The following PLB1 variants were observed in gnomAD, a reference collection of about 807,000 sequenced individuals.
PLB1 encodes phospholipase B1, membrane-associated.
PLB1 carries 242 observed loss-of-function variants against 227.4 expected under a neutral mutation model. The observed-to-expected ratio is 1.06, with a 90% CI of 0.96 to 1.18. PLB1 has a LOEUF of 1.18. Ranked by LOEUF, PLB1 falls within the 50% of genes most tolerant of loss-of-function variation. The probability of loss-of-function intolerance (pLI) is 0.00; values close to 1 mark genes in which losing one functional copy is unlikely to be tolerated. For missense variants in PLB1, 1,858 were observed against 1,816.3 expected (o/e 1.02, Z -0.42); for synonymous variants, 757 against 682.2 (o/e 1.11, Z -1.71).
At chr2:28,537,887 C>A (rs578173751) in intron 9 of PLB1, among the ~76,000 whole-genome samples, 4 of 152,146 alleles carry the variant, frequency 2.6e-5, no homozygotes, top group Admixed American at 6.5e-5. Context: ...ATGAAGGTTC[C>A]GAGGCCCATC....
At chr2:28,519,638 G>A (rs371518304) in intron 3 of PLB1, 67 bp from the exon 4 acceptor site, 90 of 1,219,584 alleles carry the variant, frequency 7.4e-5, no homozygotes, top group South Asian at 5.8e-4. Flanking sequence ...TCTCCCATAC[G>A]GTATCCTTGG....
intron 26 of PLB1, among the ~76,000 whole-genome samples, chr2:28,588,443 A>C (rs1183497141): frequency 6.6e-6 from 1 of 152,128 alleles, no homozygotes; most frequent in East Asian, 1.9e-4. Flanking sequence ...CTGGCTTGGG[A>C]GGTCAGACAT....
chr2:28,593,755 G>A lies in PLB1; in HGVS notation c.2321+1G>A. 1.2e-6 allele frequency: 2 copies of A among 1,613,392 alleles called. No individual in the cohort carries two copies. Among genetic ancestry groups the A allele is most frequent in the Non-Finnish European group, 1.7e-6 (2 of 1,179,476 alleles). ...CACAGTATCGGGGACTGTCATACAG[G>A]TAATGTTAACCTTTGACCTCTCCCA... On this transcript the variant is annotated splice_donor_variant, in intron 33 of 57. Coordinates refer to ENST00000327757, the MANE Select transcript of PLB1 (RefSeq NM_153021.5). LOFTEE classifies it high-confidence loss of function.
rs559287924 is a variant in PLB1, at chr2:28,626,391, CA to C, written c.3580-36del. The C allele has an allele frequency of 4.9e-5, 77 of 1,580,946 alleles. No homozygotes were observed. The East Asian group carries it at 1.2e-3, about 24-fold the overall frequency. On this transcript the variant is annotated intron_variant, in intron 50 of 57. Coordinates refer to ENST00000327757, the MANE Select transcript of PLB1 (RefSeq NM_153021.5). ...AGTAGCAACATTTGTATGTGCCTCC[CA>C]CCAAGGCCTAAACTCAGGATCTTCT... is the stretch of plus-strand genomic sequence containing the variant.
chr2:28,552,529 G>A (rs1476511724), intron 16 of PLB1, among the ~76,000 whole-genome samples: 2 of 152,192 alleles, frequency 1.3e-5, no homozygotes, highest in African/African-American at 4.8e-5. Flanking sequence ...CAAACAACAT[G>A]GATAAAAATC....
At chr2:28,540,339 TCA>T (rs762990480) in intron 11 of PLB1, 25 bp from the exon 12 acceptor site, 1 of 1,605,874 alleles carries the variant, frequency 6.2e-7, no homozygotes, top group Admixed American at 1.7e-5. Context: ...CTCCCCTCTC[TCA>T]TTCCTGGTGT....
At chr2:28,599,905 C>T (rs995315048) in intron 35 of PLB1, among the ~76,000 whole-genome samples, 34 of 152,084 alleles carry the variant, frequency 2.2e-4, no homozygotes, top group Admixed American at 1.9e-3. Context: ...TGAGCCACTG[C>T]ACCTGGCCTT....
intron 21 of PLB1, among the ~76,000 whole-genome samples, chr2:28,576,865 C>T (rs917689839): frequency 1.3e-5 from 2 of 152,160 alleles, no homozygotes; most frequent in Non-Finnish European, 2.9e-5. Flanking sequence ...ACCCGAAGTT[C>T]CCATCCAGGT....
In PLB1 at chr2:28,631,398, G is replaced by A. The variant is rs562561404; in HGVS notation, c.3898-638G>A. On this transcript the variant is annotated intron_variant, in intron 54 of 57. Transcript: ENST00000327757. Reference sequence around the variant, plus strand: ...CTTCCCCTGCCTGAACTTCACCCGCGGACATCTCCCCATATCACATTCAGT... The same window carrying A: ...CTTCCCCTGCCTGAACTTCACCCGCAGACATCTCCCCATATCACATTCAGT... 3.9e-4 allele frequency among the ~76,000 whole-genome samples: 60 copies of A among 152,134 alleles called. No homozygotes were observed. In the Middle Eastern group the frequency reaches 0.01, roughly 26 times the overall value.
At chr2:28,554,824 C>T (rs904479787) in intron 17 of PLB1, among the ~76,000 whole-genome samples, 5 of 152,122 alleles carry the variant, frequency 3.3e-5, no homozygotes, top group African/African-American at 9.7e-5. Flanking sequence ...TAAACCTCTT[C>T]CTTATTCCTT....
At chr2:28,536,786 T>C (rs1056360263) in intron 9 of PLB1, among the ~76,000 whole-genome samples, 1 of 152,172 alleles carries the variant, frequency 6.6e-6, no homozygotes, top group African/African-American at 2.4e-5. Context: ...GAGCATAATG[T>C]CTTTTACTGA....
In PLB1 at chr2:28,635,590, G is replaced by A. The variant is rs144631621; in HGVS notation, c.4098+2551G>A. 5.5e-3 allele frequency among the ~76,000 whole-genome samples: 833 copies of A among 152,308 alleles called. 1 individual carries two copies. Among genetic ancestry groups the A allele is most frequent in the Admixed American group, 9.2e-3 (141 of 15,302 alleles). On this transcript the variant is annotated intron_variant, in intron 56 of 57. Transcript: ENST00000327757. ...GAGTCCTATGACATAGTGTCTGCAG[G>A]CTTTGGCTGATGTTCCCAGGGTTCC...
chr2:28,600,381 G>A (rs1683677208), intron 35 of PLB1, among the ~76,000 whole-genome samples: 1 of 152,160 alleles, frequency 6.6e-6, no homozygotes, highest in African/African-American at 2.4e-5. Flanking sequence ...CATTTTTACG[G>A]TTATTATGTT....
At chr2:28,604,535 G>GA in intron 40 of PLB1, 120 bp from the exon 41 acceptor site, 1 of 679,306 alleles carries the variant, frequency 1.5e-6, no homozygotes, top group East Asian at 2.8e-5. Context: ...GTTCTCAAGG[G>GA]AAAGGCTGAG....
At chr2:28,538,953 T>C (rs1672087801) in intron 10 of PLB1, 146 bp from the exon 11 acceptor site, 2 of 669,756 alleles carry the variant, frequency 3.0e-6, no homozygotes, top group South Asian at 1.6e-5. Context: ...TGACCAAACA[T>C]CTCCCAAAGG....
intron 14 of PLB1, among the ~76,000 whole-genome samples, chr2:28,545,154 G>C (rs777998041): frequency 6.6e-5 from 10 of 152,308 alleles, no homozygotes; most frequent in East Asian, 1.9e-4. Context: ...CTGCGACACA[G>C]AGAGTGTCAC....
chr2:28,637,414 G>A (rs1193962318), intron 56 of PLB1, among the ~76,000 whole-genome samples: 2 of 152,008 alleles, frequency 1.3e-5, no homozygotes, highest in Non-Finnish European at 2.9e-5. Flanking sequence ...GGTACTTTGT[G>A]AAAGCTCCTG....
At chr2:28,549,884 G>C in intron 15 of PLB1, 126 bp from the exon 16 acceptor site, 1 of 681,160 alleles carries the variant, frequency 1.5e-6, no homozygotes, top group Non-Finnish European at 2.5e-6. Context: ...GAATGGTTTG[G>C]TCCTCACTGG....
chr2:28,594,088 A>C (rs750860717), intron 33 of PLB1: 3 of 616,200 alleles, frequency 4.9e-6, no homozygotes, highest in Non-Finnish European at 9.5e-6. Flanking sequence ...ATACGTGTAC[A>C]CGTGGTGTTC....
Sources: allele counts gnomAD v4.1 joint callset (sites outside exome capture counted in the v4.1 genomes callset), GRCh38; gene constraint gnomAD v4.1.1; transcripts MANE v1.5; gene names NCBI Gene and HGNC (gene_info 2026-07-23, HGNC 2026-07-21).